SAMMSON: variants seen among roughly 807,000 people sequenced by gnomAD.
SAMMSON encodes the protein long intergenic non-protein coding RNA 1212.
At chr3:70,113,762 C>T (rs907576251) in intron 4 of SAMMSON, among the ~76,000 whole-genome samples, 2 of 152,074 alleles carry the variant, frequency 1.3e-5, no homozygotes, top group African/African-American at 4.8e-5. Context: ...GGAGGTGGGA[C>T]CTTTGGGAAA....
chr3:70,062,752 G>A (rs965034757), intron 3 of SAMMSON, among the ~76,000 whole-genome samples: 1 of 151,900 alleles, frequency 6.6e-6, no homozygotes, highest in Non-Finnish European at 1.5e-5. Flanking sequence ...TGGCTGTTTC[G>A]CTCTGCCATT....
intron 4 of SAMMSON, among the ~76,000 whole-genome samples, chr3:70,098,469 G>A (rs2067330971): frequency 6.6e-6 from 1 of 152,060 alleles, no homozygotes; most frequent in Non-Finnish European, 1.5e-5. Flanking sequence ...CCTGGTTCAA[G>A]CAATTCTCCT....
At chr3:70,389,705 A>G (rs1377382761) in exon 10 of SAMMSON, 1 of 152,136 alleles carries the variant, frequency 6.6e-6, no homozygotes, top group East Asian at 1.9e-4. Context: ...GGATGCTAAG[A>G]GAAGAAAGTG....
intron 4 of SAMMSON, among the ~76,000 whole-genome samples, chr3:70,092,447 G>GT (rs11428459): frequency 0.9 from 131,283 of 145,566 alleles, 59,235 homozygotes; most frequent in East Asian, 0.96. Context: ...AACTCATGCT[G>GT]TTTTTTTTTT....
At chr3:70,272,529 G>C (rs1161496729) in intron 6 of SAMMSON, among the ~76,000 whole-genome samples, 1 of 152,198 alleles carries the variant, frequency 6.6e-6, no homozygotes. Context: ...GATGTTTCCT[G>C]TTTTTAGGTA....
intron 4 of SAMMSON, among the ~76,000 whole-genome samples, chr3:70,185,001 C>T (rs918666477): frequency 1.2e-4 from 19 of 152,182 alleles, no homozygotes; most frequent in South Asian, 4.1e-4. Flanking sequence ...GTAAACTTGA[C>T]GTATCCTATT....
intron 6 of SAMMSON, among the ~76,000 whole-genome samples, chr3:70,274,181 G>T (rs561517090): frequency 6.6e-6 from 1 of 151,818 alleles, no homozygotes; most frequent in African/African-American, 2.4e-5. Context: ...TGTGTAGGGG[G>T]TGGGGGATGT....
chr3:70,108,550 T>C (rs910112324), intron 4 of SAMMSON, among the ~76,000 whole-genome samples: 1 of 151,332 alleles, frequency 6.6e-6, no homozygotes, highest in Admixed American at 6.6e-5. Context: ...TGTGTTCCCC[T>C]CCACCACCCA....
intron 4 of SAMMSON, among the ~76,000 whole-genome samples, chr3:70,199,191 T>C (rs1701210460): frequency 1.3e-5 from 2 of 152,178 alleles, no homozygotes; most frequent in Non-Finnish European, 1.5e-5. Flanking sequence ...AGGGTGGGAA[T>C]GCAGGTGACC....
intron 6 of SAMMSON, among the ~76,000 whole-genome samples, chr3:70,274,088 T>TGTGTGTGC (rs748524601): frequency 6.8e-6 from 1 of 146,302 alleles, no homozygotes; most frequent in South Asian, 2.2e-4. Context: ...TGTGTGTGTG[T>TGTGTGTGC]GTGCGCGCGC....
chr3:70,089,961 G>C (rs1576119038), intron 4 of SAMMSON, among the ~76,000 whole-genome samples: 1 of 152,014 alleles, frequency 6.6e-6, no homozygotes, highest in Non-Finnish European at 1.5e-5. Flanking sequence ...CTTTTCTTGA[G>C]TGATTTCCTA....
chr3:70,374,430 C>A (rs1049510427), intron 9 of SAMMSON, among the ~76,000 whole-genome samples: 5 of 152,266 alleles, frequency 3.3e-5, no homozygotes, highest in Admixed American at 3.3e-4. Context: ...AGCCTTCCAG[C>A]AGCAGAAAAG....
intron 4 of SAMMSON, among the ~76,000 whole-genome samples, chr3:70,144,003 T>C (rs530451710): frequency 6.6e-6 from 1 of 152,184 alleles, no homozygotes; most frequent in Non-Finnish European, 1.5e-5. Flanking sequence ...CAACTTTGGA[T>C]TCCTATCAAA....
At position 70,097,626 on chromosome 3, in the gene SAMMSON, C is replaced by T. The variant is rs142396766; in HGVS notation, n.507+26061C>T. Among the ~76,000 whole-genome samples, 74 of 152,246 alleles carry T rather than the reference C, an allele frequency of 4.9e-4. No homozygotes were observed. In the East Asian group the frequency reaches 5.6e-3, roughly 12 times the overall value. ...TATTCGAAAGGGCTCAGAATTATTACGGCAAATTGAAACTCCAAATACAAT... is the reference window on the plus strand; with the variant it reads ...TATTCGAAAGGGCTCAGAATTATTATGGCAAATTGAAACTCCAAATACAAT... On this transcript the variant is annotated intron_variant and non_coding_transcript_variant, in intron 4 of 9. Coordinates refer to ENST00000642114, the Ensembl canonical transcript of SAMMSON.
exon 10 of SAMMSON, chr3:70,389,612 C>T (rs865880829): frequency 6.6e-6 from 1 of 152,102 alleles, no homozygotes; most frequent in African/African-American, 2.4e-5. Flanking sequence ...TACAGGCTGG[C>T]CTTTGTGACT....
intron 7 of SAMMSON, among the ~76,000 whole-genome samples, chr3:70,345,967 T>TA (rs1702747426): frequency 6.6e-6 from 1 of 152,220 alleles, no homozygotes; most frequent in Non-Finnish European, 1.5e-5. Flanking sequence ...TACATGGACA[T>TA]ATGTTTTCAA....
chr3:70,230,640 GT>G (rs1167215472), intron 4 of SAMMSON, among the ~76,000 whole-genome samples: 1 of 152,144 alleles, frequency 6.6e-6, no homozygotes, highest in Non-Finnish European at 1.5e-5. Flanking sequence ...AACAAAAAAA[GT>G]TGAGCTGCAA....
chr3:70,062,487 T>C (rs1033506749), intron 3 of SAMMSON, among the ~76,000 whole-genome samples: 1 of 152,104 alleles, frequency 6.6e-6, no homozygotes, highest in Non-Finnish European at 1.5e-5. Flanking sequence ...TTGCTCACTG[T>C]TCTATCCTCA....
intron 1 of SAMMSON, among the ~76,000 whole-genome samples, chr3:70,010,233 G>A (rs529192627): frequency 1.7e-4 from 26 of 151,944 alleles, no homozygotes; most frequent in Non-Finnish European, 2.5e-4. Context: ...AATGTTGACC[G>A]TGGGGTGTTA....
Sources: allele counts gnomAD v4.1 joint callset (sites outside exome capture counted in the v4.1 genomes callset), GRCh38; gene constraint gnomAD v4.1.1; transcripts MANE v1.5; gene names NCBI Gene and HGNC (gene_info 2026-07-23, HGNC 2026-07-21).